SEMA5A: variants seen among roughly 807,000 people sequenced by gnomAD.
The protein encoded by SEMA5A is semaphorin-5A.
SEMA5A carries 55 observed loss-of-function variants against 135.5 expected under a neutral mutation model. The ratio of observed to expected loss-of-function variants is 0.41; its 90% confidence interval spans 0.33 to 0.51. The LOEUF (loss-of-function observed/expected upper bound fraction) is 0.51. SEMA5A is among the 20% of genes least tolerant of loss of function. The pLI is 0.37. For synonymous variants in SEMA5A, 580 were observed against 546.5 expected (o/e 1.06, Z -0.85); for missense variants, 1,290 against 1,419.9 (o/e 0.91, Z 1.47).
rs1491235777 is a variant in SEMA5A at position 9,305,726 on chromosome 5, ATT to A, written c.270+12644_270+12645del. 1.2e-3 allele frequency among the ~76,000 whole-genome samples: 120 copies of A among 103,554 alleles called. 1 individual carries two copies. Among genetic ancestry groups the A allele is most frequent in the African/African-American group, 4.8e-3 (117 of 24,376 alleles). 67.9% of individuals were successfully genotyped at this position (103,554 alleles called of 152,430 possible). ...TGTGTGCGTATATATATATATATAT[ATT>A]TACACGCACACACACACACACACAC... On this transcript the variant is annotated intron_variant, in intron 5 of 22. Coordinates refer to ENST00000382496, the MANE Select transcript of SEMA5A (RefSeq NM_003966.3).
At chr5:9,265,363 C>T (rs961424726) in intron 5 of SEMA5A, 3 of 451,194 alleles carry the variant, frequency 6.6e-6, no homozygotes, top group Non-Finnish European at 1.3e-5. Flanking sequence ...TGGGCTTCAG[C>T]TCCCTACCAG....
chr5:9,268,288 G>A (rs570781567), intron 5 of SEMA5A, among the ~76,000 whole-genome samples: 28 of 152,186 alleles, frequency 1.8e-4, no homozygotes, highest in Admixed American at 1.5e-3. Context: ...AAAATACAGA[G>A]ACAGGCTGAG....
At chr5:9,338,391 T>C (rs945213670) in intron 3 of SEMA5A, among the ~76,000 whole-genome samples, 26 of 152,190 alleles carry the variant, frequency 1.7e-4, no homozygotes, top group Non-Finnish European at 3.5e-4. Flanking sequence ...TTGCATTTTT[T>C]TTTCTAAGGG....
chr5:9,353,224 A>G (rs1258181282), intron 3 of SEMA5A, among the ~76,000 whole-genome samples: 3 of 138,204 alleles, frequency 2.2e-5, no homozygotes, highest in Admixed American at 7.2e-5. Context: ...AGGAAAGGAA[A>G]GGAAAGGAAA....
intron 3 of SEMA5A, among the ~76,000 whole-genome samples, chr5:9,341,205 T>TACAC (rs113319079): frequency 0.06 from 8,736 of 144,568 alleles, 277 homozygotes; most frequent in South Asian, 0.076. Context: ...CACACACACA[T>TACAC]ACACACACAC....
rs148166009 is a variant in SEMA5A at position 9,068,049 on chromosome 5, T to C, written c.2074-1403A>G. ...CACTACTTTCTCCAATTTGAGCACA[T>C]TGATGATTTGAATACTCTGAGTACT... On this transcript the variant is annotated intron_variant, in intron 16 of 22. Coordinates refer to ENST00000382496, the MANE Select transcript of SEMA5A (RefSeq NM_003966.3). Among the ~76,000 whole-genome samples, 6 of 152,344 alleles carry C rather than the reference T, an allele frequency of 3.9e-5. No individual in the cohort carries two copies. The East Asian group carries it at 9.6e-4, about 24-fold the overall frequency.
At chr5:9,497,796 T>A (rs933441232) in intron 1 of SEMA5A, among the ~76,000 whole-genome samples, 2 of 152,244 alleles carry the variant, frequency 1.3e-5, no homozygotes, top group Non-Finnish European at 2.9e-5. Context: ...TAGGTTGATT[T>A]GCCTTCATTA....
At position 9,143,625 on chromosome 5, in the gene SEMA5A, G is replaced by A. The variant is rs113445587; in HGVS notation, c.1482-7004C>T. On this transcript the variant is annotated intron_variant, in intron 12 of 22. Transcript: ENST00000382496. ...CACATTTTACAGTAAAGCATTTCAG[G>A]AAAATTGATAATTTAAAAAACAGTG... Among the ~76,000 whole-genome samples, 9 of 152,252 alleles carry A rather than the reference G, an allele frequency of 5.9e-5. 1 individual carries two copies. The highest frequency in any genetic ancestry group is 2.2e-4 in the African/African-American group (9 of 41,544).
chr5:9,111,308 T>C (rs1740226587), intron 15 of SEMA5A, among the ~76,000 whole-genome samples: 1 of 152,096 alleles, frequency 6.6e-6, no homozygotes, highest in African/African-American at 2.4e-5. Flanking sequence ...AAAATGGGTA[T>C]GGAAGGCAGA....
chr5:9,162,564 G>GTGTATATA (rs1331354641), intron 11 of SEMA5A, among the ~76,000 whole-genome samples: 10 of 84,046 alleles, frequency 1.2e-4, no homozygotes, highest in East Asian at 9.4e-4. Context: ...GTGTGTGTGT[G>GTGTATATA]TATATATATA....
At position 9,037,280 on chromosome 5, in the gene SEMA5A, G is replaced by A. The variant is rs776379565; in HGVS notation, c.*5617C>T. ...TATTGACTCCGATTGCAGGGAGTAA[G>A]CTTGATTGCCTTTCTATGGCAGATA... On this transcript the variant is annotated 3_prime_UTR_variant, in exon 23 of 23. Transcript: ENST00000382496. The A allele has an allele frequency of 6.6e-6, 1 of 152,218 alleles. No individual in the cohort carries two copies. The highest frequency in any genetic ancestry group is 6.5e-5 in the Admixed American group (1 of 15,284). The allele number at this position is 152,218 out of a possible 1,614,324, so 9.4% of individuals were successfully genotyped here. A position where few individuals can be genotyped will look rare whatever the true frequency, so the allele number is the denominator to read the frequency against.
chr5:9,311,212 CCAGT>C (rs554972736), intron 5 of SEMA5A, among the ~76,000 whole-genome samples: 21 of 151,936 alleles, frequency 1.4e-4, no homozygotes, highest in Admixed American at 5.2e-4. Context: ...ACGCTAGATG[CCAGT>C]CAAAGCTTCC....
intron 1 of SEMA5A, among the ~76,000 whole-genome samples, chr5:9,463,860 C>T (rs185025429): frequency 6.6e-6 from 1 of 152,206 alleles, no homozygotes; most frequent in Non-Finnish European, 1.5e-5. Flanking sequence ...TCCACACCCC[C>T]CTGAAGGTGT....
At chr5:9,353,155 A>AGGAAAGGAAGGGAAAGGAAG (rs1754239883) in intron 3 of SEMA5A, among the ~76,000 whole-genome samples, 2 of 78,122 alleles carry the variant, frequency 2.6e-5, no homozygotes, top group East Asian at 3.7e-4. Flanking sequence ...AGGAAAGGAA[A>AGGAAAGGAAGGGAAAGGAAG]GGAAAGGAGG....
intron 1 of SEMA5A, among the ~76,000 whole-genome samples, chr5:9,473,933 C>A (rs2126761574): frequency 6.6e-6 from 1 of 152,158 alleles, no homozygotes; most frequent in East Asian, 1.9e-4. Context: ...ACAGGGTGAC[C>A]ACATGGAGTC....
intron 4 of SEMA5A, among the ~76,000 whole-genome samples, chr5:9,324,211 G>A (rs1200995943): frequency 1.3e-5 from 2 of 151,960 alleles, no homozygotes; most frequent in Non-Finnish European, 2.9e-5. Flanking sequence ...TGGGACTACA[G>A]GCGCCCGCCA....
chr5:9,460,399 T>C (rs1010202649), intron 1 of SEMA5A, among the ~76,000 whole-genome samples: 29 of 152,182 alleles, frequency 1.9e-4, no homozygotes, highest in African/African-American at 6.8e-4. Flanking sequence ...CAAGTCTATT[T>C]CAACAGATTA....
At chr5:9,187,491 C>G (rs1744872223) in intron 11 of SEMA5A, among the ~76,000 whole-genome samples, 1 of 152,068 alleles carries the variant, frequency 6.6e-6, no homozygotes, top group Admixed American at 6.6e-5. Flanking sequence ...TGTGTTGGGC[C>G]CCGGGTATCT....
intron 12 of SEMA5A, among the ~76,000 whole-genome samples, chr5:9,140,644 G>A (rs779011140): frequency 2.0e-5 from 3 of 152,218 alleles, no homozygotes; most frequent in Admixed American, 6.5e-5. Context: ...TTATATTTGC[G>A]GCTCCTATGG....
Sources: allele counts gnomAD v4.1 joint callset (sites outside exome capture counted in the v4.1 genomes callset), GRCh38; gene constraint gnomAD v4.1.1; transcripts MANE v1.5; gene names NCBI Gene and HGNC (gene_info 2026-07-23, HGNC 2026-07-21).